INSRR: variants seen among roughly 807,000 people sequenced by gnomAD.
The protein encoded by INSRR is insulin receptor related receptor.
Under a neutral mutation model 130.0 loss-of-function variants are expected in INSRR, and 114 were observed. The observed-to-expected ratio is 0.88, with a 90% CI of 0.75 to 1.02. The LOEUF (loss-of-function observed/expected upper bound fraction) is 1.02. Ranked by LOEUF, INSRR falls within the 50% of genes least tolerant of loss-of-function variation. The pLI, the probability that INSRR is intolerant of heterozygous loss-of-function variation, is 0.00. For missense variants in INSRR, 1,657 were observed against 1,735.2 expected (o/e 0.95, Z 0.80); for synonymous variants, 674 against 705.2 (o/e 0.96, Z 0.70).
At chr1:156,852,559 A>C (rs1211321104) in intron 2 of INSRR, among the ~76,000 whole-genome samples, 1 of 152,130 alleles carries the variant, frequency 6.6e-6, no homozygotes, top group Admixed American at 6.5e-5. Context: ...GCCTCTCCTG[A>C]GCAGCTAGGC....
rs1655321181 is a variant in INSRR at position 156,853,948 on chromosome 1, G to C, written c.441C>G (p.Leu147=). 1 of 1,613,412 alleles carries C rather than the reference G, an allele frequency of 6.2e-7. No individual in the cohort carries two copies. The highest frequency in any genetic ancestry group is 2.2e-5 in the East Asian group (1 of 44,866). ...GAVRVEKNQE[L]CHLSTIDWGL... ...CCCAGTCAATGGTGGAGAGGTGGCA[G>C]AGCTCCTGGTTCTTCTCCACACGCA... The change falls in exon 2 of 22, where the codon CTC becomes CTG. Residue 147 remains leucine, a synonymous_variant. Coordinates refer to ENST00000368195, the MANE Select transcript of INSRR (RefSeq NM_014215.3).
Position 156,841,736 on chromosome 1 carries a change from C to T in INSRR, c.3456G>A (p.Gly1152=), listed in dbSNP as rs768383322. 6.2e-7 allele frequency: 1 copy of T among 1,614,136 alleles called. No individual in the cohort carries two copies. Among genetic ancestry groups the T allele is most frequent in the Non-Finnish European group, 8.5e-7 (1 of 1,180,012 alleles). ...GGGCCATCCAGCGCACGGGCAGCAG[C>T]CCCTTCCCACCCTTGCGGTAATAGT... ...ETDYYRKGGK[G]LLPVRWMAPE... The change falls in exon 20 of 22, where the codon GGG becomes GGA. Residue 1152 remains glycine, a synonymous_variant. Coordinates refer to ENST00000368195, the MANE Select transcript of INSRR (RefSeq NM_014215.3).
chr1:156,856,988 G>A (rs1241098165), intron 1 of INSRR, among the ~76,000 whole-genome samples: 4 of 151,974 alleles, frequency 2.6e-5, no homozygotes, highest in Admixed American at 2.0e-4. Flanking sequence ...CCTTCCCACC[G>A]AGCCCTCCGG....
At position 156,845,075 on chromosome 1, in the gene INSRR, C is replaced by CT. The variant is rs1190480732; in HGVS notation, c.2437dup (p.Arg813LysfsTer4). 12 of 1,604,286 alleles carry CT rather than the reference C, an allele frequency of 7.5e-6. No homozygotes were observed. The highest frequency in any genetic ancestry group is 9.4e-6 in the Non-Finnish European group (11 of 1,176,248). ...AGAAGGTGTGTGTGTGGATCACCTA[C>CT]TGTGGGGCATGGTGCGCGCAAAGAC... is the stretch of plus-strand genomic sequence containing the variant. On this transcript the variant is annotated frameshift_variant and splice_region_variant. Coordinates refer to ENST00000368195, the MANE Select transcript of INSRR (RefSeq NM_014215.3). LOFTEE classifies it high-confidence loss of function.
intron 7 of INSRR, 116 bp from the exon 8 acceptor site, chr1:156,846,873 G>A: frequency 1.2e-6 from 1 of 832,542 alleles, no homozygotes; most frequent in South Asian, 1.6e-5. Flanking sequence ...TGAGGGCAAA[G>A]CCATGACTCC....
intron 21 of INSRR, 127 bp downstream of exon 21, chr1:156,841,267 G>T: frequency 2.9e-6 from 3 of 1,035,188 alleles, no homozygotes; most frequent in Non-Finnish European, 4.5e-6. Flanking sequence ...GGATAGGGGG[G>T]TGGCGCTCAT....
At chr1:156,845,008 C>T (rs888728799) in intron 12 of INSRR, 68 bp downstream of exon 12, 2 of 1,546,856 alleles carry the variant, frequency 1.3e-6, no homozygotes, top group Non-Finnish European at 8.8e-7. Flanking sequence ...GAAGTCAAAC[C>T]CCAAACCTTT....
rs761108622 is a variant in INSRR at position 156,846,088 on chromosome 1, C to T, written c.1842G>A (p.Thr614=). The change falls in exon 9 of 22, where the codon ACG becomes ACA. Residue 614 remains threonine, a synonymous_variant. Transcript: ENST00000368195. ...CCAGGAGGTGGGAGGAGGAGTTGGA[C>T]GTGGAGATGACGTCTTGGGGCACCG... The part of the protein sequence containing the change: ...APTVPQDVIS[T]SNSSSHLLVR... The T allele has an allele frequency of 6.2e-7, 1 of 1,608,670 alleles. No individual in the cohort carries two copies. The highest frequency in any genetic ancestry group is 1.1e-5 in the South Asian group (1 of 90,256).
chr1:156,841,431 C>T lies in INSRR; in HGVS notation c.3625G>A (p.Gly1209Arg), dbSNP rs748727844. 8.8e-5 allele frequency: 142 copies of T among 1,613,780 alleles called. No individual in the cohort carries two copies. Among genetic ancestry groups the T allele is most frequent in the Non-Finnish European group, 1.1e-4 (131 of 1,179,916 alleles). The part of the protein sequence containing the change: ...EQVLKFVMDG[G>R]VLEELEGCPL... ...CAGCCCTCCAGCTCCTCCAGGACCCCGCCATCCATGACGAACTTCAGCACC... is the reference window on the plus strand; with the variant it reads ...CAGCCCTCCAGCTCCTCCAGGACCCTGCCATCCATGACGAACTTCAGCACC... The change falls in exon 21 of 22, where the codon GGG becomes AGG. Residue 1209 changes from glycine (G) to arginine (R), a missense_variant. Gly to Arg is a moderately radical substitution (Grantham distance 125). Transcript: ENST00000368195.
rs374392471 is a variant in INSRR, at chr1:156,851,409, G to A, written c.1110C>T (p.His370=). The change falls in exon 5 of 22, where the codon CAC becomes CAT. Residue 370 remains histidine (H), a synonymous_variant. Transcript: ENST00000368195. ...TAATGGTTTCTACCAGCCCCAGGCT[G>A]TGCTGCAGCTGTGGCTCCAGGTTGT... ...QGYNLEPQLQ[H]SLGLVETITG... 42 of 1,614,068 alleles carry A rather than the reference G, an allele frequency of 2.6e-5. 1 individual carries two copies. In the Middle Eastern group the frequency reaches 4.9e-4, roughly 19 times the overall value.
chr1:156,842,895 C>T, intron 17 of INSRR, 109 bp downstream of exon 17: 3 of 849,656 alleles, frequency 3.5e-6, no homozygotes, highest in South Asian at 3.4e-5. Flanking sequence ...TAACCATGGT[C>T]CCAATCTTGA....
Position 156,854,209 on chromosome 1 carries a change from C to T in INSRR, c.180G>A (p.Met60Ile). The change falls in exon 2 of 22, where the codon ATG becomes ATA. Residue 60 changes from methionine (M) to isoleucine (I), a missense_variant. Transcript: ENST00000368195. This position sits in a 1 kb window ranked among gnomAD's most constrained non-coding sequence, Gnocchi z 4.2. ...GGAAGTCCTCCCCGGTGGCTGTGAA[C>T]ATGAGCAGGATCTGCAGGTGGCCCT... Reference protein sequence around the residue: ...VVEGHLQILLMFTATGEDFRG... With the variant: ...VVEGHLQILLIFTATGEDFRG... 1 of 1,614,070 alleles carries T rather than the reference C, an allele frequency of 6.2e-7. No homozygotes were observed. The highest frequency in any genetic ancestry group is 8.5e-7 in the Non-Finnish European group (1 of 1,180,032).
In INSRR at chr1:156,849,017, T is replaced by G; in HGVS notation, c.1475A>C (p.Asn492Thr). The change falls in exon 7 of 22, where the codon AAC (asparagine) becomes ACC (threonine). Residue 492 changes from asparagine (N) to threonine (T), a missense_variant. Asn to Thr is a moderately conservative substitution (Grantham distance 65, BLOSUM62 0). Coordinates refer to ENST00000368195, the MANE Select transcript of INSRR (RefSeq NM_014215.3). ...CQTRTLRFVSNVTEADRILLR... is the reference protein window; with the variant it reads ...CQTRTLRFVSTVTEADRILLR... The stretch of plus-strand genomic sequence containing the variant: ...CAGGATGCGGTCTGCCTCCGTCACG[T>G]TGGACACGAAGCGCAGGGTGCGAGT... The G allele has an allele frequency of 6.2e-7, 1 of 1,613,464 alleles. No individual in the cohort carries two copies. The highest frequency in any genetic ancestry group is 1.7e-5 in the Admixed American group (1 of 59,978).
chr1:156,851,738 C>A lies in INSRR; in HGVS notation c.992G>T (p.Gly331Val), dbSNP rs151105059. Residue 331 changes from glycine to valine, a missense_variant, in exon 4 of 22, where the codon GGC (glycine) becomes GTC (valine). Physicochemically the swap from Gly to Val is moderately radical, Grantham distance 109. Transcript: ENST00000368195. ...CTGGATGGAGTCGATGGTCTTGGTG[C>A]CTACCTTGCACTCTTTAGGGCACAG... ...EGLCPKECKV[G>V]TKTIDSIQAA... The A allele has an allele frequency of 1.7e-5, 27 of 1,614,056 alleles. No individual in the cohort carries two copies. The highest frequency in any genetic ancestry group is 1.6e-4 in the Middle Eastern group (1 of 6,084).
In INSRR at chr1:156,853,957, G is replaced by T; in HGVS notation, c.432C>A (p.Asn144Lys). Reference protein sequence around the residue: ...VLRGAVRVEKNQELCHLSTID... With the variant: ...VLRGAVRVEKKQELCHLSTID... ...TGGTGGAGAGGTGGCAGAGCTCCTG[G>T]TTCTTCTCCACACGCACAGCCCCAC... The change falls in exon 2 of 22, where the codon AAC becomes AAA. Residue 144 changes from asparagine (N) to lysine (K), a missense_variant. Transcript: ENST00000368195. 6.2e-7 allele frequency: 1 copy of T among 1,613,262 alleles called. No homozygotes were observed. Among genetic ancestry groups the T allele is most frequent in the Non-Finnish European group, 8.5e-7 (1 of 1,179,346 alleles).
chr1:156,843,556 A>G (rs967452403), intron 15 of INSRR, 77 bp from the exon 16 acceptor site: 3 of 1,449,344 alleles, frequency 2.1e-6, no homozygotes, highest in Middle Eastern at 1.7e-4. Flanking sequence ...AGGAAGAAGG[A>G]CATTTCAAGG....
At chr1:156,855,176 TTATC>T (rs142014665) in intron 1 of INSRR, among the ~76,000 whole-genome samples, 25 of 143,578 alleles carry the variant, frequency 1.7e-4, no homozygotes, top group South Asian at 1.4e-3. Context: ...CCATCCAATT[TTATC>T]TATCTATCTA....
At chr1:156,850,434 A>AC (rs1553259278) in intron 5 of INSRR, among the ~76,000 whole-genome samples, 1 of 147,276 alleles carries the variant, frequency 6.8e-6, no homozygotes, top group East Asian at 2.0e-4. Flanking sequence ...CTGGTCTTGA[A>AC]CTCCTGACCG....
intron 1 of INSRR, among the ~76,000 whole-genome samples, chr1:156,857,922 AC>A (rs2102874524): frequency 6.7e-6 from 1 of 149,394 alleles, no homozygotes; most frequent in Admixed American, 6.7e-5. Context: ...TAGTCCCCCC[AC>A]CCCTCCTCTC....
Sources: allele counts gnomAD v4.1 joint callset (sites outside exome capture counted in the v4.1 genomes callset), GRCh38; gene constraint gnomAD v4.1.1; non-coding constraint Gnocchi (gnomAD v3.1); transcripts MANE v1.5; gene names NCBI Gene and HGNC (gene_info 2026-07-23, HGNC 2026-07-21).